Variants in LRRC4C observed in about 807,000 individuals in gnomAD.
LRRC4C encodes leucine-rich repeat-containing protein 4C.
In LRRC4C, 5 loss-of-function variants were observed where a neutral mutation model predicts 33.6. The observed-to-expected ratio is 0.15, with a 90% CI of 0.08 to 0.31. The LOEUF is 0.31. Ranked by LOEUF, LRRC4C falls within the 10% of genes least tolerant of loss-of-function variation. The probability of loss-of-function intolerance (pLI) is 1.00; values close to 1 mark genes in which losing one functional copy is unlikely to be tolerated. For synonymous variants in LRRC4C, 329 were observed against 302.0 expected, an observed-to-expected ratio of 1.09 and a Z score of -0.93; for missense variants, 560 against 796.7, an observed-to-expected ratio of 0.70 and a Z score of 3.58.
chr11:40,259,790 T>A (rs1481779982), intron 4 of LRRC4C, among the ~76,000 whole-genome samples: 1 of 152,006 alleles, frequency 6.6e-6, no homozygotes, highest in African/African-American at 2.4e-5. Flanking sequence ...TTGGTACCAG[T>A]ACCATGCTGT....
intron 2 of LRRC4C, among the ~76,000 whole-genome samples, chr11:40,678,532 G>T (rs1944522730): frequency 6.6e-6 from 1 of 152,018 alleles, no homozygotes; most frequent in South Asian, 2.1e-4. Context: ...ATCTTGAATT[G>T]TAGCTCCCAT....
At chr11:40,690,057 T>A (rs546049578) in intron 2 of LRRC4C, among the ~76,000 whole-genome samples, 15 of 152,198 alleles carry the variant, frequency 9.9e-5, no homozygotes, top group African/African-American at 3.4e-4. Context: ...TTGAAGCCAG[T>A]AGAAAGGTTG....
chr11:41,447,994 C>A (rs1239996831), intron 1 of LRRC4C, among the ~76,000 whole-genome samples: 1 of 151,930 alleles, frequency 6.6e-6, no homozygotes, highest in African/African-American at 2.4e-5. Context: ...AGTCTTTTTC[C>A]TTTATGTTGC....
chr11:40,658,432 G>A (rs1389612131), intron 2 of LRRC4C, among the ~76,000 whole-genome samples: 1 of 152,192 alleles, frequency 6.6e-6, no homozygotes, highest in Non-Finnish European at 1.5e-5. Flanking sequence ...TTCATGTCAA[G>A]TCAGTATGCT....
At chr11:41,440,497 A>T (rs969636921) in intron 1 of LRRC4C, among the ~76,000 whole-genome samples, 10 of 152,186 alleles carry the variant, frequency 6.6e-5, no homozygotes, top group African/African-American at 2.2e-4. Flanking sequence ...TTTTAAAAAA[A>T]GCACAAATCA....
intron 2 of LRRC4C, among the ~76,000 whole-genome samples, chr11:40,816,043 T>A (rs1951693565): frequency 1.3e-5 from 2 of 152,166 alleles, no homozygotes; most frequent in Admixed American, 1.3e-4. Flanking sequence ...CTACCACTAT[T>A]AAGAGGACAG....
Position 41,324,151 on chromosome 11 carries a change from C to T in LRRC4C, c.-496+135280G>A, listed in dbSNP as rs565549984. Among the ~76,000 whole-genome samples the T allele has an allele frequency of 1.8e-4, 27 of 152,192 alleles. No homozygotes were observed. The South Asian group carries it at 5.0e-3, about 28-fold the overall frequency. On this transcript the variant is annotated intron_variant, in intron 1 of 6. Coordinates refer to ENST00000528697, the MANE Select transcript of LRRC4C (RefSeq NM_001258419.2). ...GTTAAAAATATTATTTTAGGCAGGG[C>T]GCGGTAGGGTAGCTCATGCCTGTAA...
Position 41,327,262 on chromosome 11 carries a change from G to T in LRRC4C, c.-496+132169C>A, listed in dbSNP as rs544265743. 2.2e-4 allele frequency among the ~76,000 whole-genome samples: 33 copies of T among 152,222 alleles called. No individual in the cohort carries two copies. The South Asian group carries it at 6.6e-3, about 31-fold the overall frequency. ...TTGAGTTTCCAATTACAATGTAGTT[G>T]GTGTGTCGCCGTCTGTCAGAGAGCA... On this transcript the variant is annotated intron_variant, in intron 1 of 6. Transcript: ENST00000528697.
At chr11:41,415,506 T>C (rs893330877) in intron 1 of LRRC4C, among the ~76,000 whole-genome samples, 13 of 152,130 alleles carry the variant, frequency 8.5e-5, no homozygotes, top group Non-Finnish European at 1.8e-4. Context: ...GAAAATGATT[T>C]AATCTAATTT....
rs577075771 is a variant in LRRC4C at position 40,550,981 on chromosome 11, A to C, written c.-270+97161T>G. ...AGAAAGCAAGAAGAAATAAGCCTTC[A>C]CTTCTGCCCTGGCTTCTGAATGGTC... On this transcript the variant is annotated intron_variant, in intron 3 of 6. Coordinates refer to ENST00000528697, the MANE Select transcript of LRRC4C (RefSeq NM_001258419.2). Among the ~76,000 whole-genome samples the C allele has an allele frequency of 2.6e-5, 4 of 152,208 alleles. No homozygotes were observed. In the South Asian group the frequency reaches 8.3e-4, roughly 32 times the overall value.
chr11:41,196,974 T>TG (rs1207631029), intron 1 of LRRC4C, among the ~76,000 whole-genome samples: 7 of 152,002 alleles, frequency 4.6e-5, no homozygotes, highest in Non-Finnish European at 1.5e-5. Context: ...AGTATTAAAA[T>TG]GGATTTTTAT....
At chr11:40,376,880 G>A (rs1245505833) in intron 3 of LRRC4C, among the ~76,000 whole-genome samples, 1 of 151,996 alleles carries the variant, frequency 6.6e-6, no homozygotes, top group African/African-American at 2.4e-5. Flanking sequence ...ACTTCCTGAG[G>A]AACAGAACAT....
chr11:40,426,230 G>T (rs569178861), intron 3 of LRRC4C, among the ~76,000 whole-genome samples: 1 of 151,964 alleles, frequency 6.6e-6, no homozygotes, highest in Non-Finnish European at 1.5e-5. Context: ...AGCCAGGATT[G>T]TCTCGATCTC....
intron 3 of LRRC4C, among the ~76,000 whole-genome samples, chr11:40,321,789 C>A (rs977579877): frequency 1.2e-4 from 18 of 152,204 alleles, no homozygotes; most frequent in Middle Eastern, 3.2e-3. Context: ...TCTCAGGAAT[C>A]TAATTTTTGC....
chr11:40,231,902 G>T (rs746873194), intron 5 of LRRC4C, among the ~76,000 whole-genome samples: 2 of 152,230 alleles, frequency 1.3e-5, no homozygotes, highest in Non-Finnish European at 2.9e-5. Context: ...GGGTACATGT[G>T]CAAGATGTGC....
chr11:41,023,232 A>T (rs1856108320), intron 1 of LRRC4C, among the ~76,000 whole-genome samples: 1 of 151,890 alleles, frequency 6.6e-6, no homozygotes, highest in Non-Finnish European at 1.5e-5. Flanking sequence ...ATATTAACAA[A>T]TTTAAATAGA....
chr11:40,828,152 T>C (rs986020233), intron 2 of LRRC4C, among the ~76,000 whole-genome samples: 9 of 146,936 alleles, frequency 6.1e-5, no homozygotes, highest in South Asian at 4.3e-4. Context: ...TATACAAACA[T>C]ACACACACAC....
At chr11:40,226,602 A>G (rs1331248470) in intron 5 of LRRC4C, among the ~76,000 whole-genome samples, 1 of 152,170 alleles carries the variant, frequency 6.6e-6, no homozygotes, top group South Asian at 2.1e-4. Context: ...GATTCCGTAG[A>G]TTAAATCTAG....
rs928754970 is a variant in LRRC4C, at chr11:41,415,536, G to A, written c.-496+43895C>T. On this transcript the variant is annotated intron_variant, in intron 1 of 6. Transcript: ENST00000528697. ...TAATTTATGGTTTCAGTCTCTTTAT[G>A]TGAAATGAACTGCTTGGATTAGATC... Among the ~76,000 whole-genome samples, 5 of 152,126 alleles carry A rather than the reference G, an allele frequency of 3.3e-5. No individual in the cohort carries two copies. In the East Asian group the frequency reaches 5.8e-4, roughly 18 times the overall value.
Sources: gnomAD v4.1 joint callset for allele counts (sites outside exome capture counted in the v4.1 genomes callset) on GRCh38, gnomAD v4.1.1 for gene constraint, MANE v1.5 for transcripts, NCBI Gene and HGNC (gene_info 2026-07-23, HGNC 2026-07-21) for gene names.